The following LGSN variants were observed in gnomAD, a reference collection of about 807,000 sequenced individuals.
LGSN encodes the protein lengsin.
Under a neutral mutation model 19.5 loss-of-function variants are expected in LGSN, and 21 were observed. The ratio of observed to expected loss-of-function variants is 1.07; its 90% CI spans 0.76 to 1.55. The LOEUF (loss-of-function observed/expected upper bound fraction) is 1.55. Ranked by LOEUF, LGSN falls within the 40% of genes most tolerant of loss-of-function variation. The pLI is 0.00. For missense variants in LGSN, 673 were observed against 608.5 expected (o/e 1.11, Z -1.12); for synonymous variants, 257 against 215.6 (o/e 1.19, Z -1.68).
At chr6:63,360,722 A>G in the LGSN span, among the ~76,000 whole-genome samples, 1 of 152,094 alleles carries the variant, frequency 6.6e-6, no homozygotes, top group South Asian at 2.1e-4. Flanking sequence ...TTGGAGGAGG[A>G]GAGGCACTCT....
At chr6:63,456,970 C>T in the LGSN span, among the ~76,000 whole-genome samples, 1 of 152,214 alleles carries the variant, frequency 6.6e-6, no homozygotes, top group Non-Finnish European at 1.5e-5. Context: ...TTTCATTGTA[C>T]TGCTTCTCCA....
the LGSN span, among the ~76,000 whole-genome samples, chr6:63,326,317 T>C: frequency 6.6e-6 from 1 of 151,968 alleles, no homozygotes; most frequent in Non-Finnish European, 1.5e-5. Flanking sequence ...GATTGGTATA[T>C]TTACAATCCC....
chr6:63,543,130 C>A, the LGSN span, among the ~76,000 whole-genome samples: 6 of 152,160 alleles, frequency 3.9e-5, no homozygotes, highest in East Asian at 1.2e-3. Context: ...ATTTCATTCA[C>A]AAATTAGAGT....
intron 1 of LGSN, among the ~76,000 whole-genome samples, chr6:63,308,644 A>G (rs1370718148): frequency 1.3e-5 from 2 of 152,036 alleles, no homozygotes; most frequent in Admixed American, 6.5e-5. Context: ...TGACCCCTAT[A>G]TAATAGTTAT....
chr6:63,294,163 C>T (rs533479355), intron 2 of LGSN, among the ~76,000 whole-genome samples: 5 of 151,944 alleles, frequency 3.3e-5, no homozygotes, highest in African/African-American at 1.2e-4. Flanking sequence ...GGTGAAACCC[C>T]ATCTCTACTA....
intron 1 of LGSN, among the ~76,000 whole-genome samples, chr6:63,318,225 T>C (rs575910530): frequency 2.6e-5 from 4 of 152,186 alleles, no homozygotes; most frequent in Non-Finnish European, 5.9e-5. Context: ...ACTGGGGAAG[T>C]AAGTATTCTG....
the LGSN span, among the ~76,000 whole-genome samples, chr6:63,437,260 C>T: frequency 6.6e-6 from 1 of 151,672 alleles, no homozygotes; most frequent in Non-Finnish European, 1.5e-5. Context: ...ACCAAAATAC[C>T]ATTTTTTTTT....
At chr6:63,509,688 T>C in the LGSN span, among the ~76,000 whole-genome samples, 2 of 152,240 alleles carry the variant, frequency 1.3e-5, no homozygotes, top group African/African-American at 4.8e-5. Context: ...TTTCAGTTCC[T>C]ATAAACATAG....
the LGSN span, among the ~76,000 whole-genome samples, chr6:63,477,124 T>C: frequency 6.6e-6 from 1 of 152,246 alleles, no homozygotes; most frequent in East Asian, 1.9e-4. Flanking sequence ...CAGTTTGTGA[T>C]AGGAATGCCA....
At chr6:63,450,288 G>A in the LGSN span, among the ~76,000 whole-genome samples, 1 of 151,738 alleles carries the variant, frequency 6.6e-6, no homozygotes, top group Non-Finnish European at 1.5e-5. Context: ...CTTGAACCTG[G>A]GAGGCAAAGG....
chr6:63,549,071 C>G, the LGSN span: 5 of 716,356 alleles, frequency 7.0e-6, no homozygotes, highest in Non-Finnish European at 1.3e-5. Context: ...TATTCTCTAG[C>G]AAGGTGGTGA....
chr6:63,324,163 A>G (rs115015376), upstream of LGSN, among the ~76,000 whole-genome samples: 446 of 152,304 alleles, frequency 2.9e-3, 3 homozygotes, highest in African/African-American at 0.01. Context: ...AGGCAAATAG[A>G]GTCTTACCAT....
chr6:63,359,764 TTGATCTTTTCAA>T, the LGSN span, among the ~76,000 whole-genome samples: 11 of 152,350 alleles, frequency 7.2e-5, no homozygotes. Context: ...ATCAATTTTG[TTGATCTTTTCAA>T]AAACCCAGTT....
the LGSN span, among the ~76,000 whole-genome samples, chr6:63,374,149 A>G: frequency 6.6e-6 from 1 of 152,138 alleles, no homozygotes; most frequent in African/African-American, 2.4e-5. Context: ...GCATGCCCGA[A>G]ACTTACTCTC....
chr6:63,356,537 T>G, the LGSN span, among the ~76,000 whole-genome samples: 1 of 151,914 alleles, frequency 6.6e-6, no homozygotes, highest in Non-Finnish European at 1.5e-5. Flanking sequence ...AGCAAAACTC[T>G]GTCTCAAAAA....
At chr6:63,308,242 T>G (rs910435147) in intron 1 of LGSN, among the ~76,000 whole-genome samples, 1 of 152,238 alleles carries the variant, frequency 6.6e-6, no homozygotes, top group African/African-American at 2.4e-5. Flanking sequence ...CAAAAATGTT[T>G]CCACTATCGT....
At chr6:63,505,931 G>T in the LGSN span, among the ~76,000 whole-genome samples, 1 of 152,134 alleles carries the variant, frequency 6.6e-6, no homozygotes, top group African/African-American at 2.4e-5. Flanking sequence ...TTACAGGCAT[G>T]AGCCACTGCG....
intron 2 of LGSN, among the ~76,000 whole-genome samples, chr6:63,288,030 A>G (rs1767610950): frequency 6.6e-6 from 1 of 151,822 alleles, no homozygotes; most frequent in African/African-American, 2.4e-5. Context: ...CCTGACCTAC[A>G]TGGTGAAACC....
At chr6:63,353,967 CT>C in the LGSN span, among the ~76,000 whole-genome samples, 10 of 152,064 alleles carry the variant, frequency 6.6e-5, no homozygotes, top group Non-Finnish European at 1.2e-4. Context: ...AACTAGACCC[CT>C]ATCTCTCACT....
Sources: allele counts gnomAD v4.1 joint callset (sites outside exome capture counted in the v4.1 genomes callset), GRCh38; gene constraint gnomAD v4.1.1; transcripts MANE v1.5; gene names NCBI Gene and HGNC (gene_info 2026-07-23, HGNC 2026-07-21).